ZNF540: variants seen among roughly 807,000 people sequenced by gnomAD.
ZNF540 encodes the protein zinc finger protein 540.
In ZNF540, 3 loss-of-function variants were observed where a neutral mutation model predicts 11.8. The observed-to-expected ratio is 0.25, with a 90% CI of 0.12 to 0.65. The LOEUF (loss-of-function observed/expected upper bound fraction) is 0.65, where lower values mean the gene tolerates loss of function less well. ZNF540 is among the 30% of genes least tolerant of loss of function. The probability of loss-of-function intolerance (pLI) is 0.83; values close to 1 mark genes in which losing one functional copy is unlikely to be tolerated. For synonymous variants in ZNF540, 247 were observed against 259.0 expected (o/e 0.95, Z 0.45); for missense variants, 709 against 793.1 (o/e 0.89, Z 1.27).
rs1383683789 is a variant in ZNF540, at chr19:37,613,104, G to C, written c.1824G>C (p.Glu608Asp). 9 of 1,613,252 alleles carry C rather than the reference G, an allele frequency of 5.6e-6. No homozygotes were observed. The highest frequency in any genetic ancestry group is 1.3e-5 in the African/African-American group (1 of 74,680). Reference protein sequence around the residue: ...QRIHTGEKPYECKQCGKAFRL... With the variant: ...QRIHTGEKPYDCKQCGKAFRL... ...TTCATACTGGTGAGAAACCCTATGAGTGTAAACAATGTGGGAAGGCCTTTA... is the reference window on the plus strand; with the variant it reads ...TTCATACTGGTGAGAAACCCTATGACTGTAAACAATGTGGGAAGGCCTTTA... Residue 608 changes from glutamate (E) to aspartate (D), a missense_variant, in exon 5 of 5, where the codon GAG (glutamate) becomes GAC (aspartate). By Grantham distance (45) the Glu-to-Asp change is conservative. Transcript: ENST00000316433.
intron 1 of ZNF540, chr19:37,555,423 C>A: frequency 6.3e-6 from 1 of 159,044 alleles, no homozygotes; most frequent in South Asian, 1.8e-4. Context: ...ATTAAGAAAC[C>A]AATTTTATAT....
chr19:37,584,436 C>T (rs1322215722), intron 1 of ZNF540, among the ~76,000 whole-genome samples: 1 of 152,198 alleles, frequency 6.6e-6, no homozygotes, highest in Non-Finnish European at 1.5e-5. Context: ...AACTAATATA[C>T]TCTCAATTAA....
chr19:37,556,237 A>G (rs2042658458), intron 1 of ZNF540: 6 of 638,628 alleles, frequency 9.4e-6, no homozygotes, highest in Non-Finnish European at 1.7e-5. Flanking sequence ...GTGTTTGCAA[A>G]TACACATCCT....
At chr19:37,573,175 C>T (rs915946414) in intron 1 of ZNF540, among the ~76,000 whole-genome samples, 2 of 151,790 alleles carry the variant, frequency 1.3e-5, no homozygotes, top group African/African-American at 4.8e-5. Flanking sequence ...TGAAAAACAA[C>T]AGAAATTATA....
chr19:37,552,813 G>T (rs2042619578), intron 1 of ZNF540, among the ~76,000 whole-genome samples: 1 of 151,992 alleles, frequency 6.6e-6, no homozygotes, highest in Admixed American at 6.6e-5. Context: ...CGAGTGTGGT[G>T]GCGTGCGCCT....
intron 4 of ZNF540, among the ~76,000 whole-genome samples, chr19:37,602,193 T>C (rs1356375108): frequency 6.6e-6 from 1 of 152,186 alleles, no homozygotes; most frequent in African/African-American, 2.4e-5. Flanking sequence ...CAAGAAATCA[T>C]AGGTGAACAA....
chr19:37,586,980 T>C (rs2043696676), intron 1 of ZNF540: 3 of 377,756 alleles, frequency 7.9e-6, no homozygotes, highest in South Asian at 1.1e-4. Context: ...TCTTCCACAG[T>C]AGAACAGAGG....
At chr19:37,561,785 T>A (rs2042720169) in intron 1 of ZNF540, among the ~76,000 whole-genome samples, 1 of 152,236 alleles carries the variant, frequency 6.6e-6, no homozygotes, top group Non-Finnish European at 1.5e-5. Flanking sequence ...TCTACTGACA[T>A]TTAACTTTTC....
intron 4 of ZNF540, among the ~76,000 whole-genome samples, chr19:37,602,858 A>G (rs1183482786): frequency 6.6e-6 from 1 of 152,060 alleles, no homozygotes; most frequent in Non-Finnish European, 1.5e-5. Flanking sequence ...GTCAGAGGTG[A>G]AAAAAGCCTG....
At chr19:37,557,996 C>G (rs937580455) in intron 1 of ZNF540, among the ~76,000 whole-genome samples, 2 of 152,032 alleles carry the variant, frequency 1.3e-5, no homozygotes, top group Non-Finnish European at 2.9e-5. Context: ...TGAGTAAGCA[C>G]CCCTTTAGCA....
intron 2 of ZNF540, among the ~76,000 whole-genome samples, chr19:37,598,953 T>C (rs2044017358): frequency 6.6e-6 from 1 of 152,310 alleles, no homozygotes. Flanking sequence ...TGTGCTAGTC[T>C]TGACATCAGT....
At chr19:37,604,549 C>T (rs947226824) in intron 4 of ZNF540, among the ~76,000 whole-genome samples, 6 of 151,742 alleles carry the variant, frequency 4.0e-5, no homozygotes, top group Non-Finnish European at 8.8e-5. Context: ...CCTTGTGATC[C>T]GCCCGCCTCG....
chr19:37,602,661 A>G (rs1384850225), intron 4 of ZNF540, among the ~76,000 whole-genome samples: 3 of 152,194 alleles, frequency 2.0e-5, no homozygotes, highest in Non-Finnish European at 2.9e-5. Context: ...GAGAAGGAAG[A>G]GGAGGCAGCA....
chr19:37,602,672 A>C (rs1010442642), intron 4 of ZNF540, among the ~76,000 whole-genome samples: 4 of 152,190 alleles, frequency 2.6e-5, no homozygotes, highest in Admixed American at 1.3e-4. Flanking sequence ...GGAGGCAGCA[A>C]GTAGATTGAG....
intron 4 of ZNF540, among the ~76,000 whole-genome samples, chr19:37,604,105 A>C (rs1351436890): frequency 1.3e-5 from 2 of 152,038 alleles, no homozygotes; most frequent in Non-Finnish European, 2.9e-5. Flanking sequence ...TCTGTTCTTT[A>C]AAACTTTGAT....
At chr19:37,583,055 A>G (rs1472273216) in intron 1 of ZNF540, among the ~76,000 whole-genome samples, 2 of 152,198 alleles carry the variant, frequency 1.3e-5, no homozygotes, top group Non-Finnish European at 2.9e-5. Flanking sequence ...TTCCACTTTC[A>G]GTAGCCACAC....
intron 1 of ZNF540, among the ~76,000 whole-genome samples, chr19:37,577,527 C>T (rs1253269684): frequency 1.3e-5 from 2 of 152,106 alleles, no homozygotes; most frequent in Non-Finnish European, 2.9e-5. Context: ...AAAAGCAAAG[C>T]TAATCCTTTA....
chr19:37,580,835 AC>A (rs2043430800), intron 1 of ZNF540, among the ~76,000 whole-genome samples: 1 of 152,226 alleles, frequency 6.6e-6, no homozygotes, highest in African/African-American at 2.4e-5. Context: ...TGCTTCTTGT[AC>A]AACCTGCAGA....
At position 37,611,875 on chromosome 19, in the gene ZNF540, G is replaced by A. The variant is rs1160646267; in HGVS notation, c.595G>A (p.Val199Ile). ...CKECGSTFNNVYQLTLHQKIH... is the reference protein window; with the variant it reads ...CKECGSTFNNIYQLTLHQKIH... ...AGAATGTGGGAGTACTTTTAATAAT[G>A]TCTATCAGCTTACTCTCCATCAGAA... The change falls in exon 5 of 5, where the codon GTC (valine) becomes ATC (isoleucine). Residue 199 changes from valine (V) to isoleucine (I), a missense_variant. Coordinates refer to ENST00000316433, the MANE Select transcript of ZNF540 (RefSeq NM_001172225.3). The A allele has an allele frequency of 2.5e-6, 4 of 1,613,866 alleles. No individual in the cohort carries two copies. Among genetic ancestry groups the A allele is most frequent in the South Asian group, 1.1e-5 (1 of 91,072 alleles).
Sources: allele counts gnomAD v4.1 joint callset (sites outside exome capture counted in the v4.1 genomes callset), GRCh38; gene constraint gnomAD v4.1.1; transcripts MANE v1.5; gene names NCBI Gene and HGNC (gene_info 2026-07-23, HGNC 2026-07-21).